Variants in LSAMP observed in about 807,000 individuals in gnomAD.
LSAMP encodes limbic system-associated membrane protein.
In LSAMP, 7 loss-of-function variants were observed where a neutral mutation model predicts 38.6. That is an observed-to-expected ratio of 0.18 (90% CI 0.10 to 0.34). The LOEUF (loss-of-function observed/expected upper bound fraction) is 0.34, where lower values mean the gene tolerates loss of function less well. Among genes scored for constraint, LSAMP ranks in the 10% least tolerant of loss-of-function variants. The pLI, the probability that LSAMP is intolerant of heterozygous loss-of-function variation, is 1.00. For synonymous variants in LSAMP, 154 were observed against 166.8 expected, an observed-to-expected ratio of 0.92 and a Z score of 0.59; for missense variants, 313 against 420.0, an observed-to-expected ratio of 0.75 and a Z score of 2.23.
chr3:116,376,684 A>G (rs1048240900), intron 1 of LSAMP, among the ~76,000 whole-genome samples: 1 of 152,060 alleles, frequency 6.6e-6, no homozygotes, highest in South Asian at 2.1e-4. Context: ...TTTTTTACTG[A>G]TGCCAGAAGA....
intron 4 of LSAMP, among the ~76,000 whole-genome samples, chr3:115,845,859 T>C (rs1364427652): frequency 3.9e-5 from 6 of 152,228 alleles, no homozygotes; most frequent in Non-Finnish European, 5.9e-5. Context: ...CAAACTAGGA[T>C]TGAGCACTTA....
At chr3:115,851,649 G>A (rs908934530) in intron 4 of LSAMP, among the ~76,000 whole-genome samples, 1 of 152,166 alleles carries the variant, frequency 6.6e-6, no homozygotes, top group Non-Finnish European at 1.5e-5. Context: ...TGTGTATGTA[G>A]GATGTGTGTG....
At chr3:115,928,977 T>TTTG (rs1208718431) in intron 3 of LSAMP, among the ~76,000 whole-genome samples, 1 of 126,102 alleles carries the variant, frequency 7.9e-6, no homozygotes, top group African/African-American at 2.6e-5. Context: ...TTGTTTGTTT[T>TTTG]TTTTTTTTTT....
intron 1 of LSAMP, among the ~76,000 whole-genome samples, chr3:116,426,228 T>A (rs553537441): frequency 1.2e-3 from 177 of 152,270 alleles, no homozygotes; most frequent in African/African-American, 3.9e-3. Context: ...GGCTAACGCC[T>A]GTAATTTCAG....
chr3:115,930,501 T>G lies in LSAMP; in HGVS notation c.515-77884A>C, dbSNP rs150443159. ...TAGGTTAGTCTCCTACTCAGTATAT[T>G]CCTAGGGAAATCAGGCTGGGAAACC... is the stretch of plus-strand genomic sequence containing the variant. On this transcript the variant is annotated intron_variant, in intron 3 of 6. Transcript: ENST00000490035. 8.1e-4 allele frequency among the ~76,000 whole-genome samples: 123 copies of G among 152,240 alleles called. 1 individual carries two copies. Among genetic ancestry groups the G allele is most frequent in the African/African-American group, 2.1e-3 (89 of 41,546 alleles).
chr3:116,254,638 C>T (rs1476794328), intron 1 of LSAMP, among the ~76,000 whole-genome samples: 2 of 152,088 alleles, frequency 1.3e-5, no homozygotes, highest in East Asian at 1.9e-4. Context: ...AAGTGAGGGC[C>T]CCTAACATCA....
At chr3:116,126,139 AAAAG>A (rs1243175592) in intron 1 of LSAMP, among the ~76,000 whole-genome samples, 8 of 152,334 alleles carry the variant, frequency 5.3e-5, no homozygotes, top group African/African-American at 1.9e-4. Context: ...TGTCTACATG[AAAAG>A]AAAAATCATG....
intron 1 of LSAMP, among the ~76,000 whole-genome samples, chr3:116,421,690 C>T (rs2049129700): frequency 6.6e-6 from 1 of 152,036 alleles, no homozygotes; most frequent in African/African-American, 2.4e-5. Flanking sequence ...AAATGCACAA[C>T]ATTAGGTATT....
intron 3 of LSAMP, among the ~76,000 whole-genome samples, chr3:115,852,864 C>A (rs1237903182): frequency 2.6e-5 from 4 of 152,112 alleles, no homozygotes; most frequent in African/African-American, 9.7e-5. Flanking sequence ...GACAAAGAAG[C>A]CAAGCAAGGG....
At chr3:116,078,252 A>G (rs1419572340) in intron 2 of LSAMP, among the ~76,000 whole-genome samples, 1 of 151,584 alleles carries the variant, frequency 6.6e-6, no homozygotes, top group Non-Finnish European at 1.5e-5. Context: ...TTAGCATTCT[A>G]TAATACAAAA....
chr3:116,021,106 G>A (rs1280923786), intron 2 of LSAMP, among the ~76,000 whole-genome samples: 3 of 152,098 alleles, frequency 2.0e-5, no homozygotes, highest in South Asian at 4.1e-4. Flanking sequence ...CTCTTGTAGG[G>A]CCTCTGGGTA....
At chr3:116,350,590 A>T (rs1335774190) in intron 1 of LSAMP, among the ~76,000 whole-genome samples, 1 of 151,180 alleles carries the variant, frequency 6.6e-6, no homozygotes, top group Admixed American at 6.6e-5. Context: ...TATCAGATCA[A>T]CTAACATGGT....
At chr3:116,308,429 G>T (rs2107714120) in intron 1 of LSAMP, among the ~76,000 whole-genome samples, 1 of 152,114 alleles carries the variant, frequency 6.6e-6, no homozygotes, top group Middle Eastern at 3.4e-3. Flanking sequence ...GACAATAATT[G>T]CTCAGTCTAC....
At chr3:116,252,139 C>T (rs1036596955) in intron 1 of LSAMP, among the ~76,000 whole-genome samples, 2 of 152,146 alleles carry the variant, frequency 1.3e-5, no homozygotes, top group Non-Finnish European at 2.9e-5. Context: ...CATGGGAGAC[C>T]AAGGGGTCCC....
rs116519672 is a variant in LSAMP, at chr3:116,090,586, G to A, written c.156-4030C>T. ...TTTATACTTAATGATTTTGTTTCGG[G>A]GGACCTGCCCCGGAAAATCACGTAG... On this transcript the variant is annotated intron_variant, in intron 1 of 6. Transcript: ENST00000490035. Among the ~76,000 whole-genome samples, 597 of 152,300 alleles carry A rather than the reference G, an allele frequency of 3.9e-3. 3 individuals carry two copies. Among genetic ancestry groups the A allele is most frequent in the African/African-American group, 0.014 (578 of 41,560 alleles).
intron 6 of LSAMP, among the ~76,000 whole-genome samples, chr3:115,834,114 A>G (rs2107489332): frequency 6.6e-6 from 1 of 152,298 alleles, no homozygotes; most frequent in East Asian, 1.9e-4. Flanking sequence ...TGAGTTGATT[A>G]ACCTTTAGCA....
At chr3:115,840,553 CTG>C (rs1559845424) in intron 6 of LSAMP, among the ~76,000 whole-genome samples, 5 of 152,218 alleles carry the variant, frequency 3.3e-5, no homozygotes, top group African/African-American at 7.2e-5. Flanking sequence ...ATTTGTATAA[CTG>C]TATCTCATCA....
intron 3 of LSAMP, among the ~76,000 whole-genome samples, chr3:115,968,506 G>A (rs1320284236): frequency 6.6e-6 from 1 of 152,130 alleles, no homozygotes; most frequent in East Asian, 1.9e-4. Context: ...GTAGGACCTG[G>A]AATGGGGACC....
At chr3:116,022,072 G>C (rs80287349) in intron 2 of LSAMP, among the ~76,000 whole-genome samples, 2 of 152,048 alleles carry the variant, frequency 1.3e-5, no homozygotes, top group Non-Finnish European at 2.9e-5. Flanking sequence ...ATGTAATCAC[G>C]CTGTATCAGT....
Sources: allele counts gnomAD v4.1 joint callset (sites outside exome capture counted in the v4.1 genomes callset), GRCh38; gene constraint gnomAD v4.1.1; transcripts MANE v1.5; gene names NCBI Gene and HGNC (gene_info 2026-07-23, HGNC 2026-07-21).